SEMA6D: variants seen among roughly 807,000 people sequenced by gnomAD.
SEMA6D encodes the protein semaphorin 6D, also known as semaphorin-6D.
In SEMA6D, 35 loss-of-function variants were observed where a neutral mutation model predicts 106.6. The observed-to-expected ratio is 0.33, with a 90% CI of 0.25 to 0.44. The LOEUF (loss-of-function observed/expected upper bound fraction) is 0.44. Among genes scored for constraint, SEMA6D ranks in the 20% least tolerant of loss-of-function variants. The probability of loss-of-function intolerance (pLI) is 1.00; values close to 1 mark genes in which losing one functional copy is unlikely to be tolerated. For synonymous variants in SEMA6D, 499 were observed against 487.7 expected, an observed-to-expected ratio of 1.02 and a Z score of -0.31; for missense variants, 1,185 against 1,345.9, an observed-to-expected ratio of 0.88 and a Z score of 1.87.
intron 2 of SEMA6D, among the ~76,000 whole-genome samples, chr15:47,454,843 T>C (rs761961245): frequency 6.6e-6 from 1 of 151,998 alleles, no homozygotes; most frequent in Non-Finnish European, 1.5e-5. Context: ...GTATGGGGAC[T>C]CAGTGGTTTT....
intron 17 of SEMA6D, 56 bp downstream of exon 17, chr15:47,767,149 AT>A: frequency 2.5e-6 from 3 of 1,202,374 alleles, no homozygotes; most frequent in Non-Finnish European, 2.4e-6. Context: ...TCAGTTCAGC[AT>A]TTTCAGCCCC....
intron 3 of SEMA6D, among the ~76,000 whole-genome samples, chr15:47,494,800 TACACACACAC>T (rs71432245): frequency 3.1e-5 from 3 of 96,426 alleles, no homozygotes; most frequent in East Asian, 3.2e-4. Context: ...AATCTCCAGA[TACACACACAC>T]ACACACACAC....
At chr15:47,765,233 G>A in intron 13 of SEMA6D, 177 bp downstream of exon 13, 7 of 1,396,314 alleles carry the variant, frequency 5.0e-6, no homozygotes, top group Non-Finnish European at 6.5e-6. Flanking sequence ...GCCTGCTAGG[G>A]CGAGGGGGGT....
At chr15:47,410,038 G>A (rs1187873312) in intron 1 of SEMA6D, among the ~76,000 whole-genome samples, 3 of 152,204 alleles carry the variant, frequency 2.0e-5, no homozygotes, top group South Asian at 2.1e-4. Flanking sequence ...CCAGGCTAGA[G>A]TGCTTGGCTC....
intron 3 of SEMA6D, among the ~76,000 whole-genome samples, chr15:47,573,589 C>G (rs1299393707): frequency 6.6e-6 from 1 of 152,182 alleles, no homozygotes; most frequent in Admixed American, 6.5e-5. Context: ...TCTTGAGTCT[C>G]ATGGAGACAA....
In SEMA6D at chr15:47,534,467, G is replaced by A. The variant is rs954337333; in HGVS notation, c.-87+63922G>A. 2.6e-5 allele frequency among the ~76,000 whole-genome samples: 4 copies of A among 152,142 alleles called. No individual in the cohort carries two copies. In the East Asian group the frequency reaches 5.8e-4, roughly 22 times the overall value. Reference sequence around the variant, plus strand: ...CAGAGTGCTGGGATGACAGGCATGAGCCACCACACCTGGCCAACAATTACT... The same window carrying A: ...CAGAGTGCTGGGATGACAGGCATGAACCACCACACCTGGCCAACAATTACT... On this transcript the variant is annotated intron_variant, in intron 3 of 19. Coordinates refer to the SEMA6D transcript ENST00000558014.
chr15:47,412,129 T>C (rs1320844304), intron 1 of SEMA6D, among the ~76,000 whole-genome samples: 3 of 152,080 alleles, frequency 2.0e-5, no homozygotes, highest in Admixed American at 2.0e-4. Flanking sequence ...TACCATTATT[T>C]GTCCTGCTTG....
intron 1 of SEMA6D, among the ~76,000 whole-genome samples, chr15:47,340,254 A>C (rs1337756187): frequency 6.6e-6 from 1 of 152,122 alleles, no homozygotes; most frequent in Non-Finnish European, 1.5e-5. Context: ...GTTGTCTGGA[A>C]ATTGAGGAGA....
intron 3 of SEMA6D, among the ~76,000 whole-genome samples, chr15:47,505,063 G>C (rs1023940753): frequency 6.6e-6 from 1 of 151,976 alleles, no homozygotes; most frequent in Non-Finnish European, 1.5e-5. Context: ...GGCTGTTTGC[G>C]GAAGTGGAGG....
intron 3 of SEMA6D, among the ~76,000 whole-genome samples, chr15:47,566,778 G>A (rs187247877): frequency 3.8e-4 from 58 of 152,316 alleles, no homozygotes; most frequent in African/African-American, 1.1e-3. Context: ...ATGAGCTAAC[G>A]GATGGAAAGT....
intron 1 of SEMA6D, among the ~76,000 whole-genome samples, chr15:47,289,128 T>A (rs2035492492): frequency 6.6e-6 from 1 of 151,996 alleles, no homozygotes. Flanking sequence ...AAAGGTGAGC[T>A]AACACGCCTG....
At chr15:47,702,133 C>T (rs930286295) in intron 4 of SEMA6D, among the ~76,000 whole-genome samples, 2 of 152,194 alleles carry the variant, frequency 1.3e-5, no homozygotes, top group African/African-American at 4.8e-5. Context: ...CACTGATGGT[C>T]ATACTTGGCT....
At chr15:47,724,619 C>T (rs1057295088) in intron 1 of SEMA6D, among the ~76,000 whole-genome samples, 69 of 151,404 alleles carry the variant, frequency 4.6e-4, no homozygotes, top group African/African-American at 1.6e-3. Flanking sequence ...GCATAGAGAA[C>T]AGCTTAGGCA....
intron 9 of SEMA6D, among the ~76,000 whole-genome samples, 190 bp from the exon 10 acceptor site, chr15:47,763,660 G>A (rs1417281310): frequency 6.6e-6 from 1 of 152,130 alleles, no homozygotes; most frequent in African/African-American, 2.4e-5. Context: ...ATAGGAAAGT[G>A]GCTCTTTTTT....
intron 1 of SEMA6D, among the ~76,000 whole-genome samples, chr15:47,260,839 G>A (rs1278741903): frequency 6.6e-6 from 1 of 152,128 alleles, no homozygotes; most frequent in African/African-American, 2.4e-5. Flanking sequence ...TCTTGCTAGT[G>A]GTGCCAGTCT....
At chr15:47,565,892 T>C (rs2046217283) in intron 3 of SEMA6D, among the ~76,000 whole-genome samples, 1 of 152,242 alleles carries the variant, frequency 6.6e-6, no homozygotes, top group Admixed American at 6.5e-5. Flanking sequence ...GGTGTTTCTG[T>C]CTTCATCCTG....
intron 3 of SEMA6D, among the ~76,000 whole-genome samples, chr15:47,560,996 C>A (rs2046063249): frequency 1.3e-5 from 2 of 151,634 alleles, no homozygotes. Context: ...CAATAAATTT[C>A]TGCTTAAATC....
At chr15:47,418,903 T>G (rs2140378337) in intron 2 of SEMA6D, among the ~76,000 whole-genome samples, 1 of 152,290 alleles carries the variant, frequency 6.6e-6, no homozygotes, top group South Asian at 2.1e-4. Flanking sequence ...TTACCAAATG[T>G]CAGTCACATT....
chr15:47,493,067 T>C lies in SEMA6D; in HGVS notation c.-87+22522T>C, dbSNP rs75374123. 2.9e-3 allele frequency among the ~76,000 whole-genome samples: 443 copies of C among 152,252 alleles called. 2 individuals are homozygous for C. The highest frequency in any genetic ancestry group is 0.024 in the Middle Eastern group (7 of 294). ...GACACAGATTTCAAATCAAAAAGCT[T>C]GTCAGCAGAACAGGAATTGAGCCAT... On this transcript the variant is annotated intron_variant, in intron 3 of 19. Transcript: ENST00000558014.
Sources: allele counts gnomAD v4.1 joint callset (sites outside exome capture counted in the v4.1 genomes callset), GRCh38; gene constraint gnomAD v4.1.1; transcripts MANE v1.5; gene names NCBI Gene and HGNC (gene_info 2026-07-23, HGNC 2026-07-21).